The following TRIM66 variants were observed in gnomAD, a reference collection of about 807,000 sequenced individuals.
TRIM66 encodes the protein tripartite motif containing 66.
In TRIM66, 99 loss-of-function variants were observed where a neutral mutation model predicts 148.2. That is an observed-to-expected ratio of 0.67 (90% CI 0.57 to 0.79). The LOEUF is 0.79. Ranked by LOEUF, TRIM66 falls within the 30% of genes least tolerant of loss-of-function variation. The probability of loss-of-function intolerance (pLI) is 0.00; values close to 1 mark genes in which losing one functional copy is unlikely to be tolerated. For missense variants in TRIM66, 1,666 were observed against 1,697.9 expected (o/e 0.98, Z 0.33); for synonymous variants, 616 against 635.9 (o/e 0.97, Z 0.47).
chr11:8,622,365 C>CATATAT (rs1217954064), intron 18 of TRIM66, among the ~76,000 whole-genome samples: 1 of 59,574 alleles, frequency 1.7e-5, no homozygotes, highest in Non-Finnish European at 3.9e-5. Context: ...CACACACACA[C>CATATAT]ATATATATAT....
At chr11:8,639,057 TTC>T (rs1168265866) in intron 14 of TRIM66, among the ~76,000 whole-genome samples, 2 of 152,234 alleles carry the variant, frequency 1.3e-5, no homozygotes, top group East Asian at 3.8e-4. Flanking sequence ...TTTTGTGATA[TTC>T]ACTTTAGCAA....
intron 1 of TRIM66, among the ~76,000 whole-genome samples, chr11:8,682,054 G>A (rs2039458629): frequency 6.6e-6 from 1 of 152,108 alleles, no homozygotes; most frequent in Admixed American, 6.6e-5. Flanking sequence ...GAGCCACCGC[G>A]CCTGGCCTAA....
intron 7 of TRIM66, among the ~76,000 whole-genome samples, chr11:8,651,110 C>T (rs1439202564): frequency 6.6e-6 from 1 of 152,110 alleles, no homozygotes; most frequent in Non-Finnish European, 1.5e-5. Flanking sequence ...ATCACAGAGG[C>T]CACCAAACTG....
intron 15 of TRIM66, among the ~76,000 whole-genome samples, chr11:8,631,998 G>A (rs2035446752): frequency 6.6e-6 from 1 of 152,192 alleles, no homozygotes; most frequent in Admixed American, 6.5e-5. Context: ...GAAACACACT[G>A]AAGGCCTTCA....
At chr11:8,682,679 G>T (rs549276225), upstream of TRIM66, 2 of 987,598 alleles carry the variant, frequency 2.0e-6, no homozygotes, top group Admixed American at 1.9e-5. Flanking sequence ...TAGCAGGCGC[G>T]CAATCCCGCG....
chr11:8,642,901 T>G, intron 13 of TRIM66, 108 bp downstream of exon 13: 1 of 407,436 alleles, frequency 2.5e-6, no homozygotes, highest in Non-Finnish European at 4.1e-6. Context: ...CCACTGGCAG[T>G]CCCAGAGAGT....
rs11042031 is a variant in TRIM66 at position 8,672,022 on chromosome 11, C to T, written c.104G>A (p.Gly35Asp). The change falls in exon 6 of 25, where the codon GGC becomes GAC. Residue 35 changes from glycine to aspartate, a missense_variant. By Grantham distance (94) the Gly-to-Asp change is moderately conservative (BLOSUM62 -1). This residue lies in a region of TRIM66 where 1,431 missense variants were observed against 1,412.4 expected (regional missense o/e 1.01). Transcript: ENST00000646038. ...ISGKAPVLGT[G>D]MAVDMGMSFM... ...GCTCATGCCCATGTCCACAGCCATG[C>T]CTGTGCCCAGGACTGGGGCTTTTCC... 2,121 of 1,535,980 alleles carry T rather than the reference C, an allele frequency of 1.4e-3. 66 individuals carry two copies. The East Asian group carries it at 0.05, about 37-fold the overall frequency.
intron 15 of TRIM66, among the ~76,000 whole-genome samples, chr11:8,629,124 A>C (rs543371427): frequency 3.3e-5 from 5 of 152,342 alleles, no homozygotes; most frequent in Admixed American, 1.3e-4. Context: ...TAAGGGACCA[A>C]GGCCAAAAAT....
intron 17 of TRIM66, 95 bp from the exon 18 acceptor site, chr11:8,622,971 T>C (rs2034447273): frequency 2.7e-6 from 3 of 1,095,776 alleles, no homozygotes; most frequent in South Asian, 1.4e-5. Flanking sequence ...TTCATACCTT[T>C]GGCCACACAT....
chr11:8,644,848 G>T (rs1191386469), intron 12 of TRIM66, among the ~76,000 whole-genome samples: 1 of 152,186 alleles, frequency 6.6e-6, no homozygotes, highest in Non-Finnish European at 1.5e-5. Flanking sequence ...AAGATAGCCT[G>T]ATTCCCAGAT....
Position 8,672,255 on chromosome 11 carries a change from CAA to C in TRIM66, c.18_19del (p.Phe6LeufsTer17). The C allele has an allele frequency of 6.5e-7, 1 of 1,536,078 alleles. No homozygotes were observed. Among genetic ancestry groups the C allele is most frequent in the Non-Finnish European group, 8.7e-7 (1 of 1,146,906 alleles). On this transcript the variant is annotated frameshift_variant, in exon 5 of 25. Transcript: ENST00000646038. LOFTEE classifies it high-confidence loss of function. Reference sequence around the variant, plus strand: ...TCAGCCTCAGTTCCTCACCTGGGACCAAAAAGAGAGTCTAGCCATCTCTGCCG... The same window carrying C: ...TCAGCCTCAGTTCCTCACCTGGGACCAAAGAGAGTCTAGCCATCTCTGCCG...
chr11:8,638,624 G>A (rs1438331242), intron 15 of TRIM66, 30 bp downstream of exon 15: 4 of 1,542,302 alleles, frequency 2.6e-6, no homozygotes, highest in Non-Finnish European at 3.5e-6. Flanking sequence ...TGGGTCCCAT[G>A]TAGTTAGGGA....
chr11:8,648,624 C>G, intron 8 of TRIM66, 76 bp from the exon 9 acceptor site: 2 of 1,517,416 alleles, frequency 1.3e-6, no homozygotes, highest in East Asian at 4.9e-5. Context: ...TGCTGCACAG[C>G]TCTCAGCCTT....
intron 4 of TRIM66, among the ~76,000 whole-genome samples, chr11:8,673,736 T>C (rs191134312): frequency 1.6e-4 from 24 of 152,380 alleles, no homozygotes; most frequent in African/African-American, 5.8e-4. Flanking sequence ...TTGTAAACTA[T>C]ATTCAGTTTT....
intron 15 of TRIM66, 110 bp downstream of exon 15, chr11:8,638,544 G>A: frequency 8.1e-7 from 1 of 1,240,956 alleles, no homozygotes; most frequent in Non-Finnish European, 1.1e-6. Flanking sequence ...TAGCGTCCAG[G>A]GATGGAACAG....
intron 6 of TRIM66, 60 bp downstream of exon 6, chr11:8,671,726 T>G (rs1317418755): frequency 2.6e-6 from 2 of 777,744 alleles, no homozygotes; most frequent in African/African-American, 3.4e-5. Context: ...TCAGTTCCTA[T>G]GAAACAGGAA....
At chr11:8,627,408 C>T (rs1389621321) in intron 15 of TRIM66, among the ~76,000 whole-genome samples, 3 of 152,132 alleles carry the variant, frequency 2.0e-5, no homozygotes, top group African/African-American at 2.4e-5. Flanking sequence ...TTATTATATG[C>T]AAGGCAATTT....
Position 8,621,646 on chromosome 11 carries a change from T to G in TRIM66, c.3254A>C (p.Lys1085Thr). ...GGCCAAGGCAAAGCAAAGTGGTACC[T>G]TAATGGACATGCTGGAGGACTCAGT... ...CGTESSSMSI[K>T]VSQDRLSEAT... Residue 1085 changes from lysine (K) to threonine (T), a missense_variant and splice_region_variant, in exon 19 of 25, where the codon AAG (lysine) becomes ACG (threonine). Transcript: ENST00000646038. 1 of 1,528,342 alleles carries G rather than the reference T, an allele frequency of 6.5e-7. No homozygotes were observed. The highest frequency in any genetic ancestry group is 8.8e-7 in the Non-Finnish European group (1 of 1,137,410). The allele number at this position is 1,528,342 out of a possible 1,614,324, so 94.7% of individuals were successfully genotyped here.
At chr11:8,654,877 T>C (rs1485625592) in intron 6 of TRIM66, among the ~76,000 whole-genome samples, 1 of 152,186 alleles carries the variant, frequency 6.6e-6, no homozygotes, top group Non-Finnish European at 1.5e-5. Flanking sequence ...TTGTTTTTTT[T>C]TGACGTGGAG....
Sources: allele counts gnomAD v4.1 joint callset (sites outside exome capture counted in the v4.1 genomes callset), GRCh38; gene constraint gnomAD v4.1.1; regional missense constraint gnomAD v4.1.1; transcripts MANE v1.5; gene names NCBI Gene and HGNC (gene_info 2026-07-23, HGNC 2026-07-21).